The following OXR1 variants were observed in gnomAD, a reference collection of about 807,000 sequenced individuals.
OXR1 encodes oxidation resistance 1, also known as oxidation resistance protein 1.
OXR1 carries 41 observed loss-of-function variants against 104.6 expected under a neutral mutation model. That is an observed-to-expected ratio of 0.39 (90% CI 0.31 to 0.51). The LOEUF (loss-of-function observed/expected upper bound fraction) is 0.51. Among genes scored for constraint, OXR1 ranks in the 20% least tolerant of loss-of-function variants. OXR1 has a pLI of 0.77. For synonymous variants in OXR1, 348 were observed against 348.4 expected (o/e 1.00, Z 0.01); for missense variants, 955 against 1,031.9 (o/e 0.93, Z 1.02).
intron 1 of OXR1, among the ~76,000 whole-genome samples, chr8:106,334,275 A>G (rs956716748): frequency 1.3e-5 from 2 of 152,306 alleles, no homozygotes; most frequent in African/African-American, 4.8e-5. Context: ...TTGGTAGTGT[A>G]TGGAAATACA....
At chr8:106,668,650 T>TG (rs1333568281) in intron 3 of OXR1, among the ~76,000 whole-genome samples, 1 of 152,182 alleles carries the variant, frequency 6.6e-6, no homozygotes, top group African/African-American at 2.4e-5. Context: ...ATCAATAGGA[T>TG]GGTGAGGTAT....
intron 1 of OXR1, among the ~76,000 whole-genome samples, chr8:106,300,028 GA>G (rs1813164341): frequency 6.6e-6 from 1 of 152,232 alleles, no homozygotes; most frequent in African/African-American, 2.4e-5. Context: ...GTATAAAGAA[GA>G]GCATATAAAT....
chr8:106,401,738 A>G (rs1313289191), intron 2 of OXR1, among the ~76,000 whole-genome samples: 1 of 152,116 alleles, frequency 6.6e-6, no homozygotes, highest in Non-Finnish European at 1.5e-5. Context: ...TAGAAATTTC[A>G]CCTAAGTAGA....
At chr8:106,345,550 A>G (rs1416968697) in intron 1 of OXR1, among the ~76,000 whole-genome samples, 1 of 152,224 alleles carries the variant, frequency 6.6e-6, no homozygotes, top group Non-Finnish European at 1.5e-5. Flanking sequence ...ATGTAGGAGG[A>G]TATAGAGTAT....
chr8:106,294,412 A>AAAAAAAAAAAAAG (rs71307051), intron 1 of OXR1, among the ~76,000 whole-genome samples: 10 of 131,452 alleles, frequency 7.6e-5, no homozygotes, highest in Non-Finnish European at 9.4e-5. Flanking sequence ...AAAAAAAAAA[A>AAAAAAAAAAAAAG]AAAGAAAGAA....
At chr8:106,424,978 A>T (rs1819052620) in intron 2 of OXR1, among the ~76,000 whole-genome samples, 1 of 151,844 alleles carries the variant, frequency 6.6e-6, no homozygotes, top group African/African-American at 2.4e-5. Flanking sequence ...TTCATCATTA[A>T]TCAAAAAAAT....
Position 106,611,628 on chromosome 8 carries a change from A to G in OXR1, c.221-67582A>G, listed in dbSNP as rs1288917182. ...GTAAGTAGATCAAAGTGTTTGTCCCACGCAAATTGGCAGCGCTTGTCAGAG... is the reference window on the plus strand; with the variant it reads ...GTAAGTAGATCAAAGTGTTTGTCCCGCGCAAATTGGCAGCGCTTGTCAGAG... On this transcript the variant is annotated intron_variant, in intron 3 of 16. Transcript: ENST00000517566. Among the ~76,000 whole-genome samples, 3 of 152,330 alleles carry G rather than the reference A, an allele frequency of 2.0e-5. No individual in the cohort carries two copies. In the East Asian group the frequency reaches 5.8e-4, roughly 29 times the overall value.
chr8:106,321,152 G>T (rs1473358588), intron 1 of OXR1, among the ~76,000 whole-genome samples: 1 of 152,146 alleles, frequency 6.6e-6, no homozygotes, highest in Non-Finnish European at 1.5e-5. Context: ...TTAAAAAATA[G>T]TTTTTAGGTA....
chr8:106,625,119 A>G (rs937951268), intron 3 of OXR1, among the ~76,000 whole-genome samples: 1 of 152,190 alleles, frequency 6.6e-6, no homozygotes, highest in African/African-American at 2.4e-5. Context: ...TGTTTTGTGG[A>G]TAAGGAAATT....
In OXR1 at chr8:106,280,771, CAT is replaced by C. The variant is rs1006499697; in HGVS notation, c.-139+10405_-139+10406del. The stretch of plus-strand genomic sequence containing the variant: ...TTTACCACAATTAAAAAAAATTAAA[CAT>C]GTAAAAAGTGAAGAAGAAGAAATTA... On this transcript the variant is annotated intron_variant, in intron 1 of 16. Coordinates refer to ENST00000517566, the MANE Select transcript of OXR1 (RefSeq NM_001198533.2). 7.2e-5 allele frequency among the ~76,000 whole-genome samples: 11 copies of C among 152,012 alleles called. No individual in the cohort carries two copies. The South Asian group carries it at 1.2e-3, about 17-fold the overall frequency.
chr8:106,542,980 G>A (rs1815075668), intron 3 of OXR1, among the ~76,000 whole-genome samples: 1 of 152,096 alleles, frequency 6.6e-6, no homozygotes, highest in Non-Finnish European at 1.5e-5. Context: ...TTCAAATTTA[G>A]GTTGTAAGTC....
intron 7 of OXR1, chr8:106,698,066 ACACT>A: frequency 7.9e-7 from 1 of 1,268,092 alleles, no homozygotes; most frequent in South Asian, 1.2e-5. Context: ...GGAGAGCGGC[ACACT>A]CACTCAAGGC....
At chr8:106,480,211 A>T (rs1822030932) in intron 2 of OXR1, among the ~76,000 whole-genome samples, 1 of 152,010 alleles carries the variant, frequency 6.6e-6, no homozygotes, top group East Asian at 1.9e-4. Context: ...TGAAAGATCA[A>T]CTGATTTTGT....
intron 1 of OXR1, among the ~76,000 whole-genome samples, chr8:106,344,679 G>A (rs1255814858): frequency 6.6e-6 from 1 of 152,110 alleles, no homozygotes; most frequent in Admixed American, 6.5e-5. Flanking sequence ...CAATTACATA[G>A]GATTCCGGCC....
chr8:106,383,725 A>G (rs929907858), intron 2 of OXR1, among the ~76,000 whole-genome samples: 20 of 152,172 alleles, frequency 1.3e-4, no homozygotes, highest in Non-Finnish European at 2.8e-4. Flanking sequence ...AAACCATACC[A>G]TAGGAATTAA....
chr8:106,535,093 G>T (rs1814390978), intron 3 of OXR1, among the ~76,000 whole-genome samples: 1 of 152,082 alleles, frequency 6.6e-6, no homozygotes, highest in African/African-American at 2.4e-5. Context: ...CCCCCAAGTA[G>T]CTGAGACTAC....
At chr8:106,542,579 T>A (rs1815041287) in intron 3 of OXR1, among the ~76,000 whole-genome samples, 1 of 152,184 alleles carries the variant, frequency 6.6e-6, no homozygotes, top group South Asian at 2.1e-4. Flanking sequence ...TATTCTGTCT[T>A]AGTAAATTTC....
At chr8:106,732,462 C>T (rs887874449) in intron 11 of OXR1, among the ~76,000 whole-genome samples, 1 of 152,044 alleles carries the variant, frequency 6.6e-6, no homozygotes, top group African/African-American at 2.4e-5. Flanking sequence ...TTTCCTTGCT[C>T]CCAGTCTTAG....
At chr8:106,438,015 G>A (rs1052016238) in intron 2 of OXR1, among the ~76,000 whole-genome samples, 4 of 152,110 alleles carry the variant, frequency 2.6e-5, no homozygotes, top group Non-Finnish European at 5.9e-5. Flanking sequence ...ACACAACAAG[G>A]CAGCATATTT....
Sources: gnomAD v4.1 joint callset for allele counts (sites outside exome capture counted in the v4.1 genomes callset) on GRCh38, gnomAD v4.1.1 for gene constraint, MANE v1.5 for transcripts, NCBI Gene and HGNC (gene_info 2026-07-23, HGNC 2026-07-21) for gene names.